The following DMD variants were observed in gnomAD, a reference collection of about 807,000 sequenced individuals.
DMD encodes the protein dystrophin, also known as mutant dystrophin.
Under a neutral mutation model 330.1 loss-of-function variants are expected in DMD, and 63 were observed. The observed-to-expected ratio is 0.19, with a 90% CI of 0.16 to 0.24. The LOEUF is 0.24. DMD is among the 10% of genes least tolerant of loss of function. The pLI is 1.00. For missense variants in DMD, 3,344 were observed against 2,684.1 expected, an observed-to-expected ratio of 1.25 and a Z score of -5.43; for synonymous variants, 1,223 against 959.8, an observed-to-expected ratio of 1.27 and a Z score of -5.07.
intron 44 of DMD, among the ~76,000 whole-genome samples, chrX:32,210,775 A>T (rs1213254179): frequency 9.0e-6 from 1 of 111,509 alleles, no homozygotes; most frequent in East Asian, 2.8e-4. Flanking sequence ...CAAGTCAATG[A>T]CCTTTCAACG....
chrX:31,603,776 T>C (rs1297462538), intron 55 of DMD, among the ~76,000 whole-genome samples: 1 of 112,010 alleles, frequency 8.9e-6, no homozygotes, highest in Non-Finnish European at 1.9e-5. Context: ...TCCAGAGTGG[T>C]AAAACTGGAT....
chrX:32,561,479 T>A (rs146178507), intron 16 of DMD, among the ~76,000 whole-genome samples: 1 of 111,693 alleles, frequency 9.0e-6, no homozygotes, highest in African/African-American at 3.3e-5. Context: ...TAAAAATGAA[T>A]GTACAAAACG....
intron 55 of DMD, among the ~76,000 whole-genome samples, chrX:31,585,911 G>GTT (rs770455661): frequency 9.4e-6 from 1 of 106,265 alleles, no homozygotes; most frequent in African/African-American, 3.4e-5. Flanking sequence ...TCTGTATATA[G>GTT]TTTTTTTTTT....
At chrX:31,830,593 T>G (rs2093002570) in intron 49 of DMD, among the ~76,000 whole-genome samples, 2 of 111,988 alleles carry the variant, frequency 1.8e-5, no homozygotes, top group South Asian at 7.4e-4. Flanking sequence ...AAACTCCGTC[T>G]CAAAAACAAA....
intron 7 of DMD, among the ~76,000 whole-genome samples, chrX:32,774,397 T>C (rs188831019): frequency 1.8e-5 from 2 of 111,849 alleles, no homozygotes; most frequent in Non-Finnish European, 3.8e-5. Context: ...TCTTTCTAGG[T>C]AGTTCTATCA....
intron 47 of DMD, among the ~76,000 whole-genome samples, chrX:31,921,967 C>T (rs2094695450): frequency 9.0e-6 from 1 of 111,703 alleles, no homozygotes; most frequent in Admixed American, 9.5e-5. Flanking sequence ...GGTTTCTATC[C>T]AGGTTCCTGG....
chrX:32,581,354 T>A (rs181568362), intron 13 of DMD, among the ~76,000 whole-genome samples: 2 of 112,437 alleles, frequency 1.8e-5, no homozygotes, highest in East Asian at 5.6e-4. Flanking sequence ...TGACTCCTGC[T>A]CTGGTTACTA....
At chrX:32,171,306 T>A (rs1036978835) in intron 44 of DMD, among the ~76,000 whole-genome samples, 6 of 111,998 alleles carry the variant, frequency 5.4e-5, no homozygotes, top group African/African-American at 1.6e-4. Flanking sequence ...CACAGTCAGA[T>A]AGGCAGTTTT....
chrX:32,635,162 T>A (rs185600046), intron 11 of DMD, among the ~76,000 whole-genome samples: 22 of 111,282 alleles, frequency 2.0e-4, no homozygotes, highest in Non-Finnish European at 1.1e-4. Context: ...ATCACTGCAA[T>A]CTCCCTTCTG....
intron 25 of DMD, among the ~76,000 whole-genome samples, chrX:32,456,614 GTGTA>G (rs1174762907): frequency 7.0e-4 from 60 of 85,518 alleles, no homozygotes; most frequent in Non-Finnish European, 5.4e-4. Flanking sequence ...GTGTGTGTGT[GTGTA>G]TGTGTGTGTG....
intron 7 of DMD, among the ~76,000 whole-genome samples, chrX:32,712,343 G>A (rs1317432057): frequency 1.8e-5 from 2 of 111,191 alleles, no homozygotes; most frequent in African/African-American, 6.5e-5. Context: ...TGTGTACAAC[G>A]CTGCAATGAA....
rs147448688 is a variant in DMD at position 33,089,357 on chromosome X, C to T, written c.32-69157G>A. Among the ~76,000 whole-genome samples the T allele has an allele frequency of 7.3e-4, 81 of 111,015 alleles. 2 individuals are homozygous for T. In the East Asian group the frequency reaches 0.021, roughly 28 times the overall value. ...AGGATTACAGGCGTGAGCCACCGTGCGGCCCTGTTGCTTCTCCATTCTTAA... is the reference window on the plus strand; with the variant it reads ...AGGATTACAGGCGTGAGCCACCGTGTGGCCCTGTTGCTTCTCCATTCTTAA... On this transcript the variant is annotated intron_variant, in intron 1 of 78. Transcript: ENST00000357033.
rs192937778 is a variant in DMD, at chrX:32,208,251, G to A, written c.6438+8665C>T. Among the ~76,000 whole-genome samples, 5 of 112,158 alleles carry A rather than the reference G, an allele frequency of 4.5e-5. No homozygotes were observed. The Admixed American group carries it at 4.7e-4, about 11-fold the overall frequency. ...ACAACACTTAGAGTGTGGAAACAACGTTGGTATTCTGGGATATACGACCAC... is the reference window on the plus strand; with the variant it reads ...ACAACACTTAGAGTGTGGAAACAACATTGGTATTCTGGGATATACGACCAC... On this transcript the variant is annotated intron_variant, in intron 44 of 78. Transcript: ENST00000357033.
At chrX:32,188,663 A>G (rs1441505980) in intron 44 of DMD, among the ~76,000 whole-genome samples, 1 of 108,928 alleles carries the variant, frequency 9.2e-6, no homozygotes, top group African/African-American at 3.3e-5. Flanking sequence ...ACTTCAAAGT[A>G]TAGTAGAAAT....
chrX:32,667,433 C>G (rs1009727140), intron 9 of DMD, among the ~76,000 whole-genome samples: 1 of 111,981 alleles, frequency 8.9e-6, no homozygotes, highest in Non-Finnish European at 1.9e-5. Context: ...GAGCTTAGTG[C>G]TGTGTGACAC....
intron 44 of DMD, among the ~76,000 whole-genome samples, chrX:32,163,893 T>C (rs955560966): frequency 8.9e-6 from 1 of 111,770 alleles, no homozygotes; most frequent in Admixed American, 9.6e-5. Context: ...TAAGTGTATA[T>C]GTATTTCAAA....
chrX:32,087,295 T>C (rs1603624570), intron 44 of DMD, among the ~76,000 whole-genome samples: 1 of 111,672 alleles, frequency 9.0e-6, no homozygotes, highest in Non-Finnish European at 1.9e-5. Flanking sequence ...TGTTATTCAG[T>C]CATTATTTCA....
rs1224224473 is a variant in DMD at position 33,119,228 on chromosome X, T to C, written c.31+92054A>G. Reference sequence around the variant, plus strand: ...TGTCAAAAATATGTCATATATGTCATATATATGTTTTATATATATATATAC... The same window carrying C: ...TGTCAAAAATATGTCATATATGTCACATATATGTTTTATATATATATATAC... On this transcript the variant is annotated intron_variant, in intron 1 of 78. Coordinates refer to ENST00000357033, the MANE Select transcript of DMD (RefSeq NM_004006.3). Among the ~76,000 whole-genome samples, 7 of 112,520 alleles carry C rather than the reference T, an allele frequency of 6.2e-5. No homozygotes were observed. The Middle Eastern group carries it at 0.014, about 225-fold the overall frequency.
chrX:32,726,033 T>A (rs1765326803), intron 7 of DMD, among the ~76,000 whole-genome samples: 1 of 111,260 alleles, frequency 9.0e-6, no homozygotes, highest in Non-Finnish European at 1.9e-5. Flanking sequence ...CTAATAGGTA[T>A]ATCTCTTAAT....
Sources: gnomAD v4.1 joint callset for allele counts (sites outside exome capture counted in the v4.1 genomes callset) on GRCh38, gnomAD v4.1.1 for gene constraint, MANE v1.5 for transcripts, NCBI Gene and HGNC (gene_info 2026-07-23, HGNC 2026-07-21) for gene names.